Variants in KCNIP4 observed in about 807,000 individuals in gnomAD.
KCNIP4 encodes the protein Kv channel-interacting protein 4.
KCNIP4 carries 12 observed loss-of-function variants against 34.0 expected under a neutral mutation model. The ratio of observed to expected loss-of-function variants is 0.35; its 90% CI spans 0.23 to 0.57. The LOEUF is 0.57. KCNIP4 is among the 20% of genes least tolerant of loss of function. The pLI is 0.83. For synonymous variants in KCNIP4, 124 were observed against 102.2 expected (o/e 1.21, Z -1.29); for missense variants, 238 against 311.7 (o/e 0.76, Z 1.78).
chr4:21,467,918 A>G lies in KCNIP4; in HGVS notation c.61+480653T>C, dbSNP rs111749608. On this transcript the variant is annotated intron_variant, in intron 1 of 8. Coordinates refer to ENST00000382152, the MANE Select transcript of KCNIP4 (RefSeq NM_025221.6). ...CAAAAACTTTAGGAAATATCCTGTT[A>G]TCCCATCAGTGTGGGCAGCAAGCCT... Among the ~76,000 whole-genome samples the G allele has an allele frequency of 9.4e-4, 143 of 152,268 alleles. 1 individual carries two copies. The highest frequency in any genetic ancestry group is 3.3e-3 in the African/African-American group (137 of 41,572).
rs1356982369 is a variant in KCNIP4 at position 21,786,307 on chromosome 4, T to G, written c.61+162264A>C. 2.6e-5 allele frequency among the ~76,000 whole-genome samples: 4 copies of G among 152,178 alleles called. No individual in the cohort carries two copies. In the East Asian group the frequency reaches 7.7e-4, roughly 29 times the overall value. ...TCTGGGTCATATGGTAACTACATGT[T>G]TAACCTTTTGAGATACTTGTCCAAG... On this transcript the variant is annotated intron_variant, in intron 1 of 8. Transcript: ENST00000382152.
intron 3 of KCNIP4, among the ~76,000 whole-genome samples, chr4:20,792,224 A>G (rs1331615600): frequency 5.9e-5 from 9 of 152,092 alleles, no homozygotes; most frequent in Non-Finnish European, 1.0e-4. Flanking sequence ...AAATACAAAA[A>G]TTAGCTGAGT....
chr4:21,422,260 G>C (rs1009961984), intron 1 of KCNIP4, among the ~76,000 whole-genome samples: 2 of 151,236 alleles, frequency 1.3e-5, no homozygotes, highest in Non-Finnish European at 2.9e-5. Context: ...CAGTGCAGTG[G>C]CTCAATCTCG....
intron 1 of KCNIP4, among the ~76,000 whole-genome samples, chr4:21,413,055 C>T (rs80035085): frequency 0.014 from 2,061 of 152,200 alleles, 43 homozygotes; most frequent in African/African-American, 0.047. Context: ...ATATATATGT[C>T]GATTCACTGA....
intron 1 of KCNIP4, among the ~76,000 whole-genome samples, chr4:21,066,720 G>T (rs150557506): frequency 1.3e-5 from 2 of 152,148 alleles, no homozygotes; most frequent in Non-Finnish European, 2.9e-5. Context: ...GAGGCAAATT[G>T]CCCGTCCCAG....
chr4:20,922,261 T>C (rs545102740), intron 1 of KCNIP4, among the ~76,000 whole-genome samples: 14 of 152,330 alleles, frequency 9.2e-5, no homozygotes, highest in African/African-American at 2.9e-4. Context: ...ATCAGTAGAC[T>C]GAGTAAAGAA....
intron 1 of KCNIP4, among the ~76,000 whole-genome samples, chr4:21,860,735 C>T (rs1185911336): frequency 6.6e-6 from 1 of 151,948 alleles, no homozygotes; most frequent in African/African-American, 2.4e-5. Flanking sequence ...AACATGGATG[C>T]TTGTATACAC....
At chr4:21,102,166 T>G (rs868652391) in intron 1 of KCNIP4, among the ~76,000 whole-genome samples, 2 of 152,226 alleles carry the variant, frequency 1.3e-5, no homozygotes, top group African/African-American at 4.8e-5. Flanking sequence ...TCAACTATTG[T>G]GTCTAGTATT....
At chr4:20,889,966 A>T (rs902206654) in intron 1 of KCNIP4, among the ~76,000 whole-genome samples, 2 of 152,162 alleles carry the variant, frequency 1.3e-5, no homozygotes, top group African/African-American at 2.4e-5. Context: ...AGCATTATAA[A>T]TGATGTTCTT....
intron 1 of KCNIP4, chr4:21,846,776 T>A (rs1238752588): frequency 1.3e-5 from 2 of 152,088 alleles, no homozygotes; most frequent in Admixed American, 1.3e-4. Context: ...GGGTTTTCCA[T>A]CAGGCTCCCA....
intron 1 of KCNIP4, among the ~76,000 whole-genome samples, chr4:21,593,448 C>A (rs1577658903): frequency 2.0e-5 from 3 of 152,092 alleles, no homozygotes; most frequent in Admixed American, 1.3e-4. Context: ...CCTTTCTCAT[C>A]CTTAATTAGA....
chr4:20,790,808 A>G (rs1712655522), intron 3 of KCNIP4, among the ~76,000 whole-genome samples: 1 of 152,202 alleles, frequency 6.6e-6, no homozygotes, highest in African/African-American at 2.4e-5. Context: ...CAACATGTCA[A>G]ATGAACCTAC....
chr4:21,906,697 T>C (rs11943445), intron 1 of KCNIP4, among the ~76,000 whole-genome samples: 27,892 of 152,122 alleles, frequency 0.18, 2,657 homozygotes, highest in Non-Finnish European at 0.2. Context: ...TACCAATTAA[T>C]GCATGTATCT....
At chr4:21,533,201 C>A (rs1405120039) in intron 1 of KCNIP4, among the ~76,000 whole-genome samples, 4 of 152,000 alleles carry the variant, frequency 2.6e-5, no homozygotes, top group African/African-American at 9.7e-5. Context: ...CTATGAAATG[C>A]CATATCATGA....
At chr4:21,805,694 C>A (rs1721250749) in intron 1 of KCNIP4, among the ~76,000 whole-genome samples, 1 of 152,124 alleles carries the variant, frequency 6.6e-6, no homozygotes, top group South Asian at 2.1e-4. Context: ...CTCTCTGCCT[C>A]CATGAATTTT....
intron 1 of KCNIP4, among the ~76,000 whole-genome samples, chr4:21,731,040 GGAAGTCAAGA>G (rs1326351421): frequency 6.6e-6 from 1 of 151,560 alleles, no homozygotes; most frequent in Non-Finnish European, 1.5e-5. Context: ...CCTGAGCCTA[GGAAGTCAAGA>G]CTGCAGTAAG....
chr4:21,513,118 C>T (rs1734471508), intron 1 of KCNIP4, among the ~76,000 whole-genome samples: 1 of 152,184 alleles, frequency 6.6e-6, no homozygotes, highest in Non-Finnish European at 1.5e-5. Flanking sequence ...AAACACTAGT[C>T]ATTTGTGGAG....
At chr4:20,848,826 T>C (rs548959659) in intron 3 of KCNIP4, among the ~76,000 whole-genome samples, 4 of 152,202 alleles carry the variant, frequency 2.6e-5, no homozygotes, top group Non-Finnish European at 5.9e-5. Context: ...AGTCTGCTTA[T>C]TACTAGATCT....
At chr4:21,371,083 C>A (rs969057847) in intron 1 of KCNIP4, among the ~76,000 whole-genome samples, 1 of 141,684 alleles carries the variant, frequency 7.1e-6, no homozygotes. Flanking sequence ...TCAAATAGGG[C>A]AATTCAGCCA....
Sources: allele counts gnomAD v4.1 joint callset (sites outside exome capture counted in the v4.1 genomes callset), GRCh38; gene constraint gnomAD v4.1.1; transcripts MANE v1.5; gene names NCBI Gene and HGNC (gene_info 2026-07-23, HGNC 2026-07-21).